The following PLPPR1 variants were observed in gnomAD, a reference collection of about 807,000 sequenced individuals.
PLPPR1 encodes the protein phospholipid phosphatase-related protein type 1.
A neutral mutation model predicts 33.1 loss-of-function variants in PLPPR1; 10 were observed. The observed-to-expected ratio is 0.30, with a 90% confidence interval of 0.19 to 0.51. The LOEUF is 0.51. Among genes scored for constraint, PLPPR1 ranks in the 20% least tolerant of loss-of-function variants. PLPPR1 has a pLI of 0.97. For synonymous variants in PLPPR1, 151 were observed against 151.0 expected, an observed-to-expected ratio of 1.00 and a Z score of 0.00; for missense variants, 304 against 408.1, an observed-to-expected ratio of 0.74 and a Z score of 2.20.
intron 1 of PLPPR1, among the ~76,000 whole-genome samples, chr9:101,140,929 G>A (rs531439138): frequency 6.6e-6 from 1 of 152,268 alleles, no homozygotes; most frequent in South Asian, 2.1e-4. Context: ...TGTGAGATAA[G>A]CGACCTCAAG....
chr9:101,300,377 C>A (rs1359225630), intron 4 of PLPPR1, among the ~76,000 whole-genome samples: 4 of 152,142 alleles, frequency 2.6e-5, no homozygotes, highest in Non-Finnish European at 5.9e-5. Flanking sequence ...CAGGGTCTCC[C>A]TATGTTGCCG....
At chr9:101,156,946 A>G (rs550315908) in intron 1 of PLPPR1, among the ~76,000 whole-genome samples, 2 of 152,326 alleles carry the variant, frequency 1.3e-5, no homozygotes, top group African/African-American at 4.8e-5. Context: ...TTGTCTTTAT[A>G]TACTGGTGAG....
intron 2 of PLPPR1, among the ~76,000 whole-genome samples, chr9:101,227,919 A>G (rs1827104329): frequency 6.6e-6 from 1 of 152,134 alleles, no homozygotes; most frequent in Non-Finnish European, 1.5e-5. Context: ...CTGGGATTAC[A>G]GGCATGTGCC....
At chr9:101,322,332 AAAGAC>A (rs1216683718) in intron 7 of PLPPR1, 1 of 152,024 alleles carries the variant, frequency 6.6e-6, no homozygotes, top group African/African-American at 2.4e-5. Context: ...AGTTCAAATA[AAAGAC>A]AAGACTTTAG....
At chr9:101,269,039 A>G (rs1162930175) in intron 2 of PLPPR1, among the ~76,000 whole-genome samples, 1 of 152,138 alleles carries the variant, frequency 6.6e-6, no homozygotes, top group East Asian at 1.9e-4. Flanking sequence ...ACCTTTATTC[A>G]CCATCTTATC....
intron 2 of PLPPR1, among the ~76,000 whole-genome samples, chr9:101,242,612 G>A (rs190382866): frequency 1.2e-4 from 18 of 152,108 alleles, no homozygotes; most frequent in African/African-American, 4.3e-4. Flanking sequence ...ATCATACCAA[G>A]TATTCTAAAT....
At chr9:101,268,908 C>T (rs1322301196) in intron 2 of PLPPR1, among the ~76,000 whole-genome samples, 1 of 152,146 alleles carries the variant, frequency 6.6e-6, no homozygotes, top group East Asian at 1.9e-4. Flanking sequence ...TTTGGATAAT[C>T]AGGCAGTGGT....
chr9:101,272,202 T>C (rs1828114211), intron 3 of PLPPR1, among the ~76,000 whole-genome samples: 1 of 152,156 alleles, frequency 6.6e-6, no homozygotes. Flanking sequence ...GCTGAATATA[T>C]GAATGCCAAC....
chr9:101,199,682 C>T (rs1176091514), intron 2 of PLPPR1, among the ~76,000 whole-genome samples: 1 of 152,126 alleles, frequency 6.6e-6, no homozygotes, highest in East Asian at 1.9e-4. Flanking sequence ...GACTGAGACA[C>T]AGAAAAATAA....
At chr9:101,052,260 T>C (rs1405690923) in intron 1 of PLPPR1, among the ~76,000 whole-genome samples, 4 of 152,214 alleles carry the variant, frequency 2.6e-5, no homozygotes, top group Non-Finnish European at 5.9e-5. Flanking sequence ...TAAGACCGTA[T>C]GTATGGTCTT....
At chr9:101,044,600 C>T (rs143123607) in intron 1 of PLPPR1, among the ~76,000 whole-genome samples, 31 of 152,224 alleles carry the variant, frequency 2.0e-4, no homozygotes, top group African/African-American at 6.7e-4. Context: ...CTCATTAATA[C>T]GTTGTTTCTA....
At chr9:101,089,658 C>T (rs1354995721) in intron 1 of PLPPR1, among the ~76,000 whole-genome samples, 1 of 152,036 alleles carries the variant, frequency 6.6e-6, no homozygotes, top group African/African-American at 2.4e-5. Context: ...TGATATTTCA[C>T]CTTATAAATA....
At chr9:101,257,724 A>G (rs1383871748) in intron 2 of PLPPR1, among the ~76,000 whole-genome samples, 1 of 152,204 alleles carries the variant, frequency 6.6e-6, no homozygotes. Context: ...TCAAATAATG[A>G]AAAGTACAGC....
intron 1 of PLPPR1, among the ~76,000 whole-genome samples, chr9:101,131,311 G>A (rs993680047): frequency 6.6e-5 from 10 of 152,132 alleles, no homozygotes; most frequent in African/African-American, 2.2e-4. Flanking sequence ...GAGAATACCT[G>A]TCATATTTGA....
intron 4 of PLPPR1, among the ~76,000 whole-genome samples, chr9:101,304,096 T>A (rs183704092): frequency 0.057 from 8,629 of 152,292 alleles, 276 homozygotes; most frequent in South Asian, 0.11. Flanking sequence ...GATTTACAGT[T>A]TTCCAATTCA....
chr9:101,322,246 C>CAAT (rs1023397650), intron 7 of PLPPR1, among the ~76,000 whole-genome samples: 3 of 111,924 alleles, frequency 2.7e-5, no homozygotes, highest in Non-Finnish European at 5.7e-5. Context: ...ATCAGGAAAG[C>CAAT]AATAATAATA....
At chr9:101,223,347 A>AG (rs1826993282) in intron 2 of PLPPR1, among the ~76,000 whole-genome samples, 2 of 150,654 alleles carry the variant, frequency 1.3e-5, no homozygotes, top group Middle Eastern at 3.4e-3. Context: ...AAAAAAAAAA[A>AG]CCTTAATTGG....
intron 7 of PLPPR1, among the ~76,000 whole-genome samples, chr9:101,321,868 T>C (rs1829157443): frequency 6.7e-6 from 1 of 148,290 alleles, no homozygotes; most frequent in African/African-American, 2.5e-5. Context: ...TTGGGCATAT[T>C]ACTTAAACCT....
chr9:101,180,094 TTATATATATATATATATATATA>T (rs71507977), intron 1 of PLPPR1, among the ~76,000 whole-genome samples: 12,659 of 61,962 alleles, frequency 0.2, 1,335 homozygotes, highest in East Asian at 0.45. Context: ...AAACTCTCCT[TTATATATATATATATATATATA>T]TATATATATA....
Sources: gnomAD v4.1 joint callset for allele counts (sites outside exome capture counted in the v4.1 genomes callset) on GRCh38, gnomAD v4.1.1 for gene constraint, MANE v1.5 for transcripts, NCBI Gene and HGNC (gene_info 2026-07-23, HGNC 2026-07-21) for gene names.